The following ZNF69 variants were observed in gnomAD, a reference collection of about 807,000 sequenced individuals.
ZNF69 encodes zinc finger protein 69.
A neutral mutation model predicts 50.9 loss-of-function variants in ZNF69; 47 were observed. The observed-to-expected ratio is 0.92, with a 90% CI of 0.73 to 1.18. ZNF69 has a LOEUF of 1.18. Ranked by LOEUF, ZNF69 falls within the 50% of genes most tolerant of loss-of-function variation. The probability of loss-of-function intolerance (pLI) is 0.00; values close to 1 mark genes in which losing one functional copy is unlikely to be tolerated. For missense variants in ZNF69, 717 were observed against 675.1 expected (o/e 1.06, Z -0.69); for synonymous variants, 216 against 223.1 (o/e 0.97, Z 0.29).
At chr19:11,979,590 G>C in the ZNF69 span, 20,329 of 1,589,400 alleles carry the variant, frequency 0.013, 1,479 homozygotes, top group African/African-American at 0.2. Flanking sequence ...AGTTCCTTTT[G>C]GTACCATGAA....
chr19:11,916,289 G>A (rs1455186596), downstream of ZNF69, among the ~76,000 whole-genome samples: 1 of 152,076 alleles, frequency 6.6e-6, no homozygotes, highest in Non-Finnish European at 1.5e-5. Flanking sequence ...CATAAAATGT[G>A]CTTGTATATA....
chr19:11,934,264 C>A, the ZNF69 span, among the ~76,000 whole-genome samples: 1 of 147,828 alleles, frequency 6.8e-6, no homozygotes, highest in Admixed American at 6.6e-5. Context: ...TGTGGGAGGA[C>A]TTTTGTGTGG....
At chr19:11,949,023 G>A in the ZNF69 span, 841 of 1,606,532 alleles carry the variant, frequency 5.2e-4, 9 homozygotes, top group Admixed American at 0.013. Flanking sequence ...GGAAAAAACC[G>A]TATGAATGTA....
chr19:11,943,829 C>A, the ZNF69 span, among the ~76,000 whole-genome samples: 1 of 152,194 alleles, frequency 6.6e-6, no homozygotes, highest in East Asian at 1.9e-4. Context: ...GAATAAGTCC[C>A]ATGATGAGTT....
At chr19:11,928,486 A>C in the ZNF69 span, among the ~76,000 whole-genome samples, 1 of 149,668 alleles carries the variant, frequency 6.7e-6, no homozygotes, top group South Asian at 2.1e-4. Flanking sequence ...TAATCCCAGC[A>C]CTTTGGGAGG....
At chr19:11,949,863 TCA>T in the ZNF69 span, 3 of 1,613,846 alleles carry the variant, frequency 1.9e-6, no homozygotes, top group East Asian at 4.5e-5. Context: ...ATGGTAGGAC[TCA>T]CACTGGAGAG....
the ZNF69 span, chr19:11,947,584 A>G: frequency 6.2e-7 from 1 of 1,612,332 alleles, no homozygotes; most frequent in Non-Finnish European, 8.5e-7. Context: ...GGTAATTTGC[A>G]TTTCCAAGAG....
Position 11,896,011 on chromosome 19 carries a change from G to A in ZNF69, c.64-7562G>A, listed in dbSNP as rs188880309. 3.9e-5 allele frequency among the ~76,000 whole-genome samples: 6 copies of A among 152,064 alleles called. No individual in the cohort carries two copies. In the East Asian group the frequency reaches 1.2e-3, roughly 29 times the overall value. On this transcript the variant is annotated intron_variant, in intron 1 of 3. Coordinates refer to ENST00000429654, the MANE Select transcript of ZNF69 (RefSeq NM_001364730.1). The stretch of plus-strand genomic sequence containing the variant: ...GAGGCGGGCGGAACACCCGAGGTCA[G>A]GAGTTTAAGATCAGCCTGACCAATA...
the ZNF69 span, among the ~76,000 whole-genome samples, chr19:11,960,302 G>A: frequency 5.3e-5 from 8 of 152,224 alleles, no homozygotes; most frequent in East Asian, 1.9e-4. Context: ...ACAGGCGTGC[G>A]CCACTGCGCC....
the ZNF69 span, chr19:11,950,350 C>G: frequency 2.3e-6 from 3 of 1,300,546 alleles, no homozygotes; most frequent in Non-Finnish European, 3.3e-6. Flanking sequence ...CAGTTCTTTT[C>G]GATATCATGA....
chr19:11,961,032 A>G, the ZNF69 span, among the ~76,000 whole-genome samples: 1 of 152,124 alleles, frequency 6.6e-6, no homozygotes, highest in Non-Finnish European at 1.5e-5. Context: ...TAATCCCAGC[A>G]CTTTGGGAGG....
the ZNF69 span, chr19:11,925,156 C>G: frequency 6.2e-7 from 1 of 1,601,940 alleles, no homozygotes; most frequent in Non-Finnish European, 8.5e-7. Flanking sequence ...GTCAGACCAG[C>G]CCGAGAGGGA....
the ZNF69 span, among the ~76,000 whole-genome samples, chr19:11,963,088 A>AGAGAGAGAGAGTGTGT: frequency 3.6e-5 from 5 of 138,306 alleles, no homozygotes; most frequent in African/African-American, 9.1e-5. Flanking sequence ...AGAGAGAGAG[A>AGAGAGAGAGAGTGTGT]GTGTGTGTGT....
the ZNF69 span, among the ~76,000 whole-genome samples, chr19:11,930,999 CA>C: frequency 0.013 from 1,467 of 110,056 alleles, 168 homozygotes; most frequent in African/African-American, 0.046. Flanking sequence ...AATTCCGTCT[CA>C]AAAAAAAAAA....
chr19:11,913,351 C>A, intron 4 of ZNF69: 2 of 580,286 alleles, frequency 3.4e-6, no homozygotes, highest in South Asian at 2.2e-5. Flanking sequence ...ACTTTTCATG[C>A]TTATGTACTT....
At chr19:11,925,780 C>G in the ZNF69 span, among the ~76,000 whole-genome samples, 1 of 152,178 alleles carries the variant, frequency 6.6e-6, no homozygotes, top group African/African-American at 2.4e-5. Context: ...AAAAGCCAAA[C>G]TATGTAAAAT....
the ZNF69 span, among the ~76,000 whole-genome samples, chr19:11,946,330 C>T: frequency 1.3e-5 from 2 of 152,048 alleles, no homozygotes; most frequent in African/African-American, 4.8e-5. Flanking sequence ...GCTGTGGGCT[C>T]AGGAGTGGGG....
At position 11,905,494 on chromosome 19, in the gene ZNF69, G is replaced by T; in HGVS notation, c.1097G>T (p.Gly366Val). 3.1e-6 allele frequency: 5 copies of T among 1,614,126 alleles called. No individual in the cohort carries two copies. Among genetic ancestry groups the T allele is most frequent in the Non-Finnish European group, 2.5e-6 (3 of 1,180,024 alleles). ...AGACCTTATGAATGTAAGATATGTG[G>T]GAAAGGCTTTTGTTCTGCCAATTCA... Reference protein sequence around the residue: ...GERPYECKICGKGFCSANSFQ... With the variant: ...GERPYECKICVKGFCSANSFQ... Residue 366 changes from glycine to valine, a missense_variant, in exon 4 of 4, where the codon GGG (glycine) becomes GTG (valine). Transcript: ENST00000429654.
downstream of ZNF69, among the ~76,000 whole-genome samples, chr19:11,919,056 C>T (rs977046895): frequency 3.3e-5 from 5 of 152,034 alleles, no homozygotes; most frequent in South Asian, 4.2e-4. Context: ...CCACCACGCC[C>T]GGCTAATTTT....
Sources: allele counts gnomAD v4.1 joint callset (sites outside exome capture counted in the v4.1 genomes callset), GRCh38; gene constraint gnomAD v4.1.1; transcripts MANE v1.5; gene names NCBI Gene and HGNC (gene_info 2026-07-23, HGNC 2026-07-21).